KITLG: variants seen among roughly 807,000 people sequenced by gnomAD.
KITLG encodes c-Kit ligand.
In KITLG, 13 loss-of-function variants were observed where a neutral mutation model predicts 34.1. The ratio of observed to expected loss-of-function variants is 0.38; its 90% confidence interval spans 0.25 to 0.61. The LOEUF is 0.61. Among genes scored for constraint, KITLG ranks in the 20% least tolerant of loss-of-function variants. The pLI is 0.60. For synonymous variants in KITLG, 110 were observed against 104.0 expected (o/e 1.06, Z -0.35); for missense variants, 292 against 318.9 (o/e 0.92, Z 0.64).
intron 1 of KITLG, among the ~76,000 whole-genome samples, chr12:88,546,930 A>G (rs1194126761): frequency 1.3e-5 from 2 of 152,214 alleles, no homozygotes; most frequent in African/African-American, 2.4e-5. Context: ...GGGGAGAACC[A>G]GTTGCAGGAA....
intron 1 of KITLG, among the ~76,000 whole-genome samples, chr12:88,551,428 G>A (rs1338654283): frequency 1.3e-5 from 2 of 152,288 alleles, no homozygotes; most frequent in African/African-American, 4.8e-5. Context: ...TTCTTAAACA[G>A]TGAATTGAAA....
intron 1 of KITLG, among the ~76,000 whole-genome samples, chr12:88,553,545 G>C (rs1383581017): frequency 6.6e-6 from 1 of 151,962 alleles, no homozygotes; most frequent in Non-Finnish European, 1.5e-5. Flanking sequence ...CTCATTGTGT[G>C]ATAACCCCTC....
At chr12:88,535,563 A>G (rs1420041824) in intron 2 of KITLG, among the ~76,000 whole-genome samples, 9 of 152,186 alleles carry the variant, frequency 5.9e-5, no homozygotes, top group Admixed American at 5.9e-4. Flanking sequence ...ATCTACCTAT[A>G]GCGCAGTATC....
At chr12:88,523,635 T>C (rs950999053) in intron 3 of KITLG, among the ~76,000 whole-genome samples, 2 of 152,212 alleles carry the variant, frequency 1.3e-5, no homozygotes, top group Non-Finnish European at 2.9e-5. Context: ...TTGGTTTTTT[T>C]CGTTGTGGCT....
intron 1 of KITLG, among the ~76,000 whole-genome samples, chr12:88,559,403 G>A (rs893763425): frequency 2.0e-5 from 3 of 152,208 alleles, no homozygotes; most frequent in Non-Finnish European, 4.4e-5. Flanking sequence ...TTTCTGCACT[G>A]GCCGCAACAT....
chr12:88,548,747 A>G (rs968745982), intron 1 of KITLG, among the ~76,000 whole-genome samples: 1 of 152,208 alleles, frequency 6.6e-6, no homozygotes, highest in Admixed American at 6.5e-5. Context: ...GTAATAAAGC[A>G]CACATCAGTG....
intron 1 of KITLG, among the ~76,000 whole-genome samples, chr12:88,556,526 ATATGGAAG>A (rs1363927169): frequency 2.0e-5 from 3 of 152,186 alleles, no homozygotes; most frequent in Non-Finnish European, 4.4e-5. Flanking sequence ...GTTCAACAGG[ATATGGAAG>A]TAGAACGGAA....
intron 9 of KITLG, among the ~76,000 whole-genome samples, chr12:88,500,328 T>C (rs1868803614): frequency 6.6e-6 from 1 of 152,246 alleles, no homozygotes; most frequent in Admixed American, 6.5e-5. Flanking sequence ...CATTCCAGTA[T>C]CTAGAACTGT....
Position 88,507,246 on chromosome 12 carries a change from C to T in KITLG, c.605-109G>A, listed in dbSNP as rs904731498. 8.3e-6 allele frequency: 6 copies of T among 724,844 alleles called. No individual in the cohort carries two copies. In the South Asian group the frequency reaches 9.3e-5, roughly 11 times the overall value. 44.9% of individuals were successfully genotyped at this position (724,844 alleles called of 1,614,324 possible). ...TCTGTAACACATTCTGGACCTATAT[C>T]TGTTTAAAGTATTCAAAAGATTGAT... On this transcript the variant is annotated intron_variant, in intron 6 of 9. Transcript: ENST00000644744.
chr12:88,534,709 C>T (rs534880565), intron 2 of KITLG: 10 of 515,076 alleles, frequency 1.9e-5, no homozygotes, highest in East Asian at 5.6e-5. Context: ...CCAGACATGA[C>T]GGCATTTTTG....
At chr12:88,558,856 T>A (rs1871189789) in intron 1 of KITLG, among the ~76,000 whole-genome samples, 1 of 152,122 alleles carries the variant, frequency 6.6e-6, no homozygotes, top group African/African-American at 2.4e-5. Flanking sequence ...AAAACAAAAA[T>A]GTCTTAAAAG....
rs552619057 is a variant in KITLG at position 88,569,432 on chromosome 12, G to A, written c.15+10832C>T. Among the ~76,000 whole-genome samples, 9 of 152,228 alleles carry A rather than the reference G, an allele frequency of 5.9e-5. No homozygotes were observed. In the East Asian group the frequency reaches 1.7e-3, roughly 29 times the overall value. On this transcript the variant is annotated intron_variant, in intron 1 of 9. Transcript: ENST00000644744. Reference sequence around the variant, plus strand: ...CTTTCACTCTGGTAGTGGAGATTTTGCAGTTAAAGTCACTTTCTTTAAGAA... The same window carrying A: ...CTTTCACTCTGGTAGTGGAGATTTTACAGTTAAAGTCACTTTCTTTAAGAA...
At chr12:88,519,844 G>A (rs143075076) in intron 3 of KITLG, among the ~76,000 whole-genome samples, 1 of 152,118 alleles carries the variant, frequency 6.6e-6, no homozygotes, top group East Asian at 1.9e-4. Flanking sequence ...GGCTGCTCTT[G>A]AACTCCTGGC....
At chr12:88,512,632 C>T (rs763691586) in intron 6 of KITLG, among the ~76,000 whole-genome samples, 4 of 151,590 alleles carry the variant, frequency 2.6e-5, no homozygotes, top group South Asian at 2.1e-4. Context: ...TTTGAAAGAA[C>T]GCAGAGGAAG....
chr12:88,573,252 A>T (rs1555258330), intron 1 of KITLG, among the ~76,000 whole-genome samples: 1 of 152,160 alleles, frequency 6.6e-6, no homozygotes, highest in Non-Finnish European at 1.5e-5. Context: ...CACATCCAGG[A>T]GGGTGACAAG....
chr12:88,516,086 T>G (rs567602354), intron 5 of KITLG, among the ~76,000 whole-genome samples: 1 of 151,916 alleles, frequency 6.6e-6, no homozygotes, highest in African/African-American at 2.4e-5. Flanking sequence ...AGAAAAGGTA[T>G]GAGTGGCCAT....
At chr12:88,499,116 G>T (rs1868757114) in intron 9 of KITLG, among the ~76,000 whole-genome samples, 1 of 151,972 alleles carries the variant, frequency 6.6e-6, no homozygotes, top group African/African-American at 2.4e-5. Flanking sequence ...AAAAACCAGG[G>T]TTTAAAAGAC....
At chr12:88,573,776 T>G (rs541962480) in intron 1 of KITLG, among the ~76,000 whole-genome samples, 3 of 152,136 alleles carry the variant, frequency 2.0e-5, no homozygotes, top group African/African-American at 7.2e-5. Flanking sequence ...TCTGCAAAGG[T>G]GAACAAGGCT....
In KITLG at chr12:88,505,238, G is replaced by T; in HGVS notation, c.783-3C>A. On this transcript the variant is annotated splice_polypyrimidine_tract_variant and splice_region_variant and intron_variant, in intron 8 of 9. Transcript: ENST00000644744. ...CTCTCTCTTTCTCTTGCAACATACT[G>T]AAAAACAATAAGAAAAAATGCTTAT... 6.2e-7 allele frequency: 1 copy of T among 1,607,634 alleles called. No individual in the cohort carries two copies. Among genetic ancestry groups the T allele is most frequent in the Non-Finnish European group, 8.5e-7 (1 of 1,174,428 alleles).
Sources: gnomAD v4.1 joint callset for allele counts (sites outside exome capture counted in the v4.1 genomes callset) on GRCh38, gnomAD v4.1.1 for gene constraint, MANE v1.5 for transcripts, NCBI Gene and HGNC (gene_info 2026-07-23, HGNC 2026-07-21) for gene names.